The following ENTREP2 variants were observed in gnomAD, a reference collection of about 807,000 sequenced individuals.
ENTREP2 encodes endosomal transmembrane epsin interactor 2.
the ENTREP2 span, among the ~76,000 whole-genome samples, chr15:29,434,385 T>C: frequency 1.3e-5 from 2 of 152,174 alleles, no homozygotes; most frequent in South Asian, 4.1e-4. Context: ...AAGCCTCACA[T>C]AAGAAGCTAT....
the ENTREP2 span, among the ~76,000 whole-genome samples, chr15:29,204,465 G>A: frequency 5.3e-5 from 8 of 152,172 alleles, no homozygotes; most frequent in African/African-American, 1.4e-4. Flanking sequence ...TGTCAAGCCC[G>A]AGAACTTACA....
chr15:29,295,459 T>A, the ENTREP2 span, among the ~76,000 whole-genome samples: 9 of 152,274 alleles, frequency 5.9e-5, no homozygotes, highest in African/African-American at 2.2e-4. Flanking sequence ...ACAGTACTCA[T>A]CCCTTATCCT....
At chr15:29,268,988 G>C in the ENTREP2 span, 1 of 1,614,132 alleles carries the variant, frequency 6.2e-7, no homozygotes, top group South Asian at 1.1e-5. Flanking sequence ...GGGTCGGTGT[G>C]GGGTATCCGC....
the ENTREP2 span, among the ~76,000 whole-genome samples, chr15:29,276,138 C>T: frequency 1.3e-5 from 2 of 152,186 alleles, no homozygotes; most frequent in African/African-American, 2.4e-5. Flanking sequence ...GAAGCAGCAA[C>T]AGAGTTTTCC....
chr15:29,402,950 C>T, the ENTREP2 span, among the ~76,000 whole-genome samples: 3 of 152,120 alleles, frequency 2.0e-5, no homozygotes, highest in South Asian at 2.1e-4. Flanking sequence ...CATCAGCAGG[C>T]GGGAGAGGTG....
chr15:29,495,929 T>C, the ENTREP2 span, among the ~76,000 whole-genome samples: 1 of 152,196 alleles, frequency 6.6e-6, no homozygotes, highest in Admixed American at 6.5e-5. Context: ...AGGATTGTTT[T>C]TTCTATTTCT....
chr15:29,440,803 C>T, the ENTREP2 span, among the ~76,000 whole-genome samples: 4 of 152,140 alleles, frequency 2.6e-5, no homozygotes, highest in South Asian at 2.1e-4. Flanking sequence ...CTCCAGGGCC[C>T]GCTCCAGGGG....
At chr15:29,208,954 A>G in the ENTREP2 span, among the ~76,000 whole-genome samples, 1 of 152,224 alleles carries the variant, frequency 6.6e-6, no homozygotes, top group Non-Finnish European at 1.5e-5. Context: ...TTCTATTTAT[A>G]AAGCTGAAAG....
chr15:29,322,223 G>A, the ENTREP2 span, among the ~76,000 whole-genome samples: 1 of 151,982 alleles, frequency 6.6e-6, no homozygotes, highest in African/African-American at 2.4e-5. Flanking sequence ...TTGTTGAGGG[G>A]TTAAACTGAG....
chr15:29,206,327 A>T, the ENTREP2 span, among the ~76,000 whole-genome samples: 4 of 152,140 alleles, frequency 2.6e-5, no homozygotes, highest in Non-Finnish European at 4.4e-5. Context: ...TCACCTCCCA[A>T]GGACCCCACC....
the ENTREP2 span, chr15:29,374,368 G>A: frequency 6.6e-6 from 1 of 151,786 alleles, no homozygotes; most frequent in Admixed American, 6.6e-5. Context: ...TGGGGTTTTT[G>A]GTTTTATTTT....
the ENTREP2 span, chr15:29,570,637 G>A: frequency 6.4e-6 from 9 of 1,398,602 alleles, no homozygotes; most frequent in South Asian, 1.1e-4. Flanking sequence ...GCACGATGCG[G>A]GAGCGGCCCG....
At chr15:29,663,991 G>A in the ENTREP2 span, among the ~76,000 whole-genome samples, 3 of 149,698 alleles carry the variant, frequency 2.0e-5, no homozygotes, top group Non-Finnish European at 2.9e-5. Context: ...TCGCGCCATT[G>A]CACTCCAGCC....
chr15:29,460,420 T>G, the ENTREP2 span, among the ~76,000 whole-genome samples: 1 of 152,108 alleles, frequency 6.6e-6, no homozygotes, highest in Non-Finnish European at 1.5e-5. Flanking sequence ...CACCTTGAGG[T>G]CAGGAATTCG....
the ENTREP2 span, among the ~76,000 whole-genome samples, chr15:29,427,020 A>G: frequency 6.6e-6 from 1 of 152,202 alleles, no homozygotes; most frequent in Non-Finnish European, 1.5e-5. Context: ...TGTGGCCTCC[A>G]GATGGACCTT....
At chr15:29,180,763 C>A in the ENTREP2 span, among the ~76,000 whole-genome samples, 1 of 151,608 alleles carries the variant, frequency 6.6e-6, no homozygotes, top group East Asian at 1.9e-4. Flanking sequence ...TGCTAAATAA[C>A]CCAGGGACTG....
the ENTREP2 span, among the ~76,000 whole-genome samples, chr15:29,129,307 C>G: frequency 1.3e-5 from 2 of 152,102 alleles, no homozygotes; most frequent in African/African-American, 4.8e-5. Context: ...TCAGGCGATC[C>G]GCCTGCTTTG....
chr15:29,623,661 C>CA, the ENTREP2 span, among the ~76,000 whole-genome samples: 1 of 152,048 alleles, frequency 6.6e-6, no homozygotes, highest in Non-Finnish European at 1.5e-5. Flanking sequence ...CAGAAGGTGT[C>CA]ACACTGGTTT....
chr15:29,186,987 C>G, the ENTREP2 span, among the ~76,000 whole-genome samples: 1,675 of 152,216 alleles, frequency 0.011, 14 homozygotes, highest in African/African-American at 0.023. Context: ...TTACCACATA[C>G]CTAGAGCTGT....
Sources: allele counts gnomAD v4.1 joint callset (sites outside exome capture counted in the v4.1 genomes callset), GRCh38; gene constraint gnomAD v4.1.1; transcripts MANE v1.5; gene names NCBI Gene and HGNC (gene_info 2026-07-23, HGNC 2026-07-21).